The following MYH7B variants were observed in gnomAD, a reference collection of about 807,000 sequenced individuals.
MYH7B encodes the protein myosin-7B.
Under a neutral mutation model 234.5 loss-of-function variants are expected in MYH7B, and 205 were observed. The ratio of observed to expected loss-of-function variants is 0.87; its 90% CI spans 0.78 to 0.98. The LOEUF (loss-of-function observed/expected upper bound fraction) is 0.98. Among genes scored for constraint, MYH7B ranks in the 50% least tolerant of loss-of-function variants. The probability of loss-of-function intolerance (pLI) is 0.00; values close to 1 mark genes in which losing one functional copy is unlikely to be tolerated. For missense variants in MYH7B, 2,652 were observed against 2,633.4 expected, an observed-to-expected ratio of 1.01 and a Z score of -0.15; for synonymous variants, 1,193 against 1,105.0, an observed-to-expected ratio of 1.08 and a Z score of -1.58.
chr20:34,990,006 C>T lies in MYH7B; in HGVS notation c.1768-8C>T, dbSNP rs2082112194. The T allele has an allele frequency of 6.2e-7, 1 of 1,613,912 alleles. No individual in the cohort carries two copies. Among genetic ancestry groups the T allele is most frequent in the African/African-American group, 1.3e-5 (1 of 74,932 alleles). On this transcript the variant is annotated splice_polypyrimidine_tract_variant and splice_region_variant and intron_variant, in intron 20 of 44. Transcript: ENST00000262873. ...CACCCGGGCTCAGCACCTGACTTGT[C>T]TCTCCAGGTGCCTTACAGCATTGTG... is the stretch of plus-strand genomic sequence containing the variant.
intron 14 of MYH7B, 88 bp downstream of exon 14, chr20:34,986,286 T>G: frequency 9.5e-7 from 1 of 1,056,730 alleles, no homozygotes; most frequent in Non-Finnish European, 1.4e-6. Context: ...CAGGCCCTGG[T>G]GGTCTTTCCC....
At chr20:34,987,742 G>A in intron 17 of MYH7B, 23 bp from the exon 18 acceptor site, 3 of 1,613,982 alleles carry the variant, frequency 1.9e-6, no homozygotes, top group Non-Finnish European at 2.5e-6. Context: ...CCAGGTCCCA[G>A]CCCAGCCTCC....
At position 34,978,540 on chromosome 20, in the gene MYH7B, A is replaced by G. The variant is rs558270523; in HGVS notation, c.91+444A>G. Reference sequence around the variant, plus strand: ...GTACTATTTATGACCTGGTTTGCTCATAGGACAATACTAACAATAGGCAGT... The same window carrying G: ...GTACTATTTATGACCTGGTTTGCTCGTAGGACAATACTAACAATAGGCAGT... On this transcript the variant is annotated intron_variant, in intron 5 of 44. Coordinates refer to ENST00000262873, the Ensembl canonical transcript of MYH7B. 9.2e-5 allele frequency among the ~76,000 whole-genome samples: 14 copies of G among 152,288 alleles called. No homozygotes were observed. In the East Asian group the frequency reaches 2.5e-3, roughly 27 times the overall value.
chr20:34,981,909 T>TGAGTGTGG (rs1453479397), intron 9 of MYH7B: 1 of 146,078 alleles, frequency 6.8e-6, no homozygotes, highest in Non-Finnish European at 1.5e-5. Flanking sequence ...CGGGCCCGGC[T>TGAGTGTGG]GAGTGTGGTG....
intron 2 of MYH7B, among the ~76,000 whole-genome samples, chr20:34,972,796 C>T (rs1361518487): frequency 6.6e-6 from 1 of 152,056 alleles, no homozygotes; most frequent in African/African-American, 2.4e-5. Flanking sequence ...CATGCCCAGC[C>T]AATTTTTAAA....
exon 32 of MYH7B, chr20:34,997,292 G>A: frequency 6.4e-7 from 1 of 1,555,646 alleles, no homozygotes. Flanking sequence ...AGGCAGAGCG[G>A]GCAGCCCGGG....
exon 32 of MYH7B, chr20:34,997,442 G>T (rs1448807345): frequency 1.4e-6 from 2 of 1,472,404 alleles, no homozygotes; most frequent in East Asian, 5.4e-5. Context: ...GGCTGCGGCG[G>T]GAGCTGGAGG....
chr20:35,002,156 C>G (rs780364988), intron 44 of MYH7B, 21 bp from the exon 45 acceptor site: 1 of 1,587,752 alleles, frequency 6.3e-7, no homozygotes, highest in Admixed American at 1.7e-5. Flanking sequence ...ACTGCTCACT[C>G]AGCTATCCCT....
chr20:34,988,009 TG>T, intron 18 of MYH7B, 82 bp from the exon 19 acceptor site: 1 of 1,566,724 alleles, frequency 6.4e-7, no homozygotes, highest in Non-Finnish European at 8.7e-7. Context: ...GCCTGGAAGT[TG>T]GGGGTGAACT....
chr20:34,978,070 C>CGAAGGT (rs1222500184), exon 5 of MYH7B: 1 of 1,613,842 alleles, frequency 6.2e-7, no homozygotes, highest in Non-Finnish European at 8.5e-7. Context: ...CAGGAGATGA[C>CGAAGGT]GAAGGTGCAC....
intron 3 of MYH7B, among the ~76,000 whole-genome samples, chr20:34,977,047 C>T (rs2081863737): frequency 2.1e-5 from 1 of 47,842 alleles, no homozygotes; most frequent in South Asian, 6.0e-4. Context: ...GTCCCTCTCC[C>T]CCTACCCCTC....
intron 1 of MYH7B, among the ~76,000 whole-genome samples, chr20:34,957,875 T>C (rs2081656557): frequency 6.6e-6 from 1 of 152,130 alleles, no homozygotes; most frequent in African/African-American, 2.4e-5. Context: ...GGTCACGGGA[T>C]GGGGGGAGAT....
In MYH7B at chr20:34,998,760, C is replaced by T. The variant is rs763991503; in HGVS notation, c.4035C>T (p.His1345=). ...CCCACGCCGTGCAGGCTCTGCGGCA[C>T]GACTGTGACCTCCTGCGGGAGCAAC... Residue 1345 remains histidine (H), a synonymous_variant, in exon 35 of 45, where the codon CAC becomes CAT. Transcript: ENST00000262873. 1.9e-5 allele frequency: 31 copies of T among 1,612,624 alleles called. No individual in the cohort carries two copies. Among genetic ancestry groups the T allele is most frequent in the South Asian group, 8.8e-5 (8 of 91,048 alleles).
Position 34,989,634 on chromosome 20 carries a change from G to T in MYH7B, c.1588-106G>T, listed in dbSNP as rs1168474192. ...ATCCGGGGAGATGGCTGAAGCTGGGGATCTGGGAAGGCTCCCAGAAGGGAG... is the reference window on the plus strand; with the variant it reads ...ATCCGGGGAGATGGCTGAAGCTGGGTATCTGGGAAGGCTCCCAGAAGGGAG... On this transcript the variant is annotated intron_variant, in intron 19 of 44. Coordinates refer to ENST00000262873, the Ensembl canonical transcript of MYH7B. 3 of 1,108,150 alleles carry T rather than the reference G, an allele frequency of 2.7e-6. No individual in the cohort carries two copies. The Admixed American group carries it at 8.4e-5, about 31-fold the overall frequency. 68.6% of individuals were successfully genotyped at this position (1,108,150 alleles called of 1,614,324 possible). A position where few individuals can be genotyped will look rare whatever the true frequency, so the allele number is the denominator to read the frequency against.
In MYH7B at chr20:34,996,724, C is replaced by G. The variant is rs1210764139; in HGVS notation, c.3232C>G (p.Gln1078Glu). 2 of 1,613,032 alleles carry G rather than the reference C, an allele frequency of 1.2e-6. No homozygotes were observed. The highest frequency in any genetic ancestry group is 2.7e-5 in the African/African-American group (2 of 74,918). The change falls in exon 30 of 45, where the codon CAA becomes GAA. Residue 1078 changes from glutamine (Q) to glutamate (E), a missense_variant. Physicochemically the swap from Gln to Glu is conservative, Grantham distance 29. This residue lies in a region of MYH7B where 2,279 missense variants were observed against 2,211.4 expected (regional missense o/e 1.03). Coordinates refer to ENST00000262873, the Ensembl canonical transcript of MYH7B. ...GCAGGAGTCGGTGGCTGATGCTGCT[C>G]AAGACAAGCAGCAGCTGGAGGAGAA...
rs764378144 is a variant in MYH7B, at chr20:35,001,248, C to T, written c.5479C>T (p.Arg1827Trp). 1.4e-5 allele frequency: 23 copies of T among 1,609,606 alleles called. No homozygotes were observed. Among genetic ancestry groups the T allele is most frequent in the Middle Eastern group, 1.7e-4 (1 of 6,056 alleles). ...CAGGCTGTCCCCCTGCCTGCAGGTA[C>T]GGGAGCTGGAGGCTGAGCTTGATGC... The change falls in exon 42 of 45, where the codon CGG becomes TGG. Residue 1827 changes from arginine to tryptophan, a missense_variant. Physicochemically the swap from Arg to Trp is moderately radical, Grantham distance 101. This residue lies in a region of MYH7B where 2,279 missense variants were observed against 2,211.4 expected (regional missense o/e 1.03). Coordinates refer to ENST00000262873, the Ensembl canonical transcript of MYH7B.
exon 29 of MYH7B, chr20:34,996,463 G>A: frequency 6.2e-7 from 1 of 1,613,238 alleles, no homozygotes; most frequent in Non-Finnish European, 8.5e-7. Context: ...GCAGGCCGAG[G>A]AGGACCGTGT....
intron 7 of MYH7B, 50 bp downstream of exon 7, chr20:34,979,854 G>A (rs1276022097): frequency 2.5e-6 from 4 of 1,590,616 alleles, no homozygotes; most frequent in Non-Finnish European, 3.4e-6. Flanking sequence ...TATGTGGGGC[G>A]GGGCTAGAGA....
At position 34,990,220 on chromosome 20, in the gene MYH7B, C is replaced by G. The variant is rs1424093045; in HGVS notation, c.1901-14C>G. On this transcript the variant is annotated splice_polypyrimidine_tract_variant and intron_variant, in intron 21 of 44. Coordinates refer to ENST00000262873, the Ensembl canonical transcript of MYH7B. ...GACATTCCCTGGAGTGACCAGGCCC[C>G]TTGTCTCTATTAGCTGAGCCCCCCA... 3.7e-6 allele frequency: 6 copies of G among 1,614,048 alleles called. No individual in the cohort carries two copies. Among genetic ancestry groups the G allele is most frequent in the African/African-American group, 1.3e-5 (1 of 74,940 alleles).
Sources: allele counts gnomAD v4.1 joint callset (sites outside exome capture counted in the v4.1 genomes callset), GRCh38; gene constraint gnomAD v4.1.1; regional missense constraint gnomAD v4.1.1; transcripts MANE v1.5; gene names NCBI Gene and HGNC (gene_info 2026-07-23, HGNC 2026-07-21).